The following ITCH variants were observed in gnomAD, a reference collection of about 807,000 sequenced individuals.
ITCH encodes the protein itchy E3 ubiquitin protein ligase, also known as E3 ubiquitin-protein ligase Itchy homolog.
A neutral mutation model predicts 126.8 loss-of-function variants in ITCH; 28 were observed. The ratio of observed to expected loss-of-function variants is 0.22; its 90% CI spans 0.16 to 0.30. The LOEUF is 0.30. ITCH is among the 10% of genes least tolerant of loss of function. The pLI, the probability that ITCH is intolerant of heterozygous loss-of-function variation, is 1.00. For synonymous variants in ITCH, 342 were observed against 340.0 expected (o/e 1.01, Z -0.06); for missense variants, 631 against 1,032.4 (o/e 0.61, Z 5.33).
At chr20:34,382,944 A>G (rs1011558059) in intron 2 of ITCH, among the ~76,000 whole-genome samples, 5 of 151,492 alleles carry the variant, frequency 3.3e-5, no homozygotes, top group African/African-American at 1.2e-4. Context: ...GAGTTTCACC[A>G]TGTTGGTCAG....
intron 17 of ITCH, among the ~76,000 whole-genome samples, chr20:34,478,383 C>T (rs1305052494): frequency 6.6e-6 from 1 of 152,154 alleles, no homozygotes; most frequent in Non-Finnish European, 1.5e-5. Flanking sequence ...AGTTGAAAGT[C>T]TTAATTCTGC....
chr20:34,366,637 C>T (rs1307122077), intron 1 of ITCH, among the ~76,000 whole-genome samples: 3 of 151,544 alleles, frequency 2.0e-5, no homozygotes, highest in African/African-American at 7.3e-5. Context: ...GAGGCTGAGG[C>T]GGGTGAATCG....
chr20:34,445,201 AAGT>A, intron 10 of ITCH, 83 bp from the exon 11 acceptor site: 1 of 1,411,688 alleles, frequency 7.1e-7, no homozygotes, highest in East Asian at 2.3e-5. Context: ...GATAAATCAA[AAGT>A]AGTTTCTCAA....
intron 16 of ITCH, chr20:34,476,531 A>G (rs1262220267): frequency 4.8e-6 from 5 of 1,034,568 alleles, no homozygotes; most frequent in Non-Finnish European, 6.1e-6. Flanking sequence ...ACCTTGTGAC[A>G]TTTCTCATTT....
intron 24 of ITCH, among the ~76,000 whole-genome samples, chr20:34,505,355 T>A (rs2146572723): frequency 6.6e-6 from 1 of 152,074 alleles, no homozygotes; most frequent in African/African-American, 2.4e-5. Flanking sequence ...GTTCAGTGAT[T>A]TTAGCATATT....
chr20:34,509,430 A>T lies in ITCH; in HGVS notation c.*1636A>T, dbSNP rs1379668915. On this transcript the variant is annotated 3_prime_UTR_variant, in exon 25 of 25. Coordinates refer to ENST00000374864, the MANE Select transcript of ITCH (RefSeq NM_031483.7). Reference sequence around the variant, plus strand: ...CCCTGTTCCATATGGAAAAAAGAAAAACAATTTTTTGTCCCTAATGTTCTT... The same window carrying T: ...CCCTGTTCCATATGGAAAAAAGAAATACAATTTTTTGTCCCTAATGTTCTT... The T allele has an allele frequency of 6.6e-6, 1 of 152,600 alleles. No homozygotes were observed. Among genetic ancestry groups the T allele is most frequent in the Non-Finnish European group, 1.5e-5 (1 of 68,040 alleles). 9.5% of individuals were successfully genotyped at this position (152,600 alleles called of 1,614,324 possible).
chr20:34,462,240 G>A lies in ITCH; in HGVS notation c.1424+19G>A. The A allele has an allele frequency of 6.2e-7, 1 of 1,611,382 alleles. No homozygotes were observed. On this transcript the variant is annotated intron_variant, in intron 14 of 24. Coordinates refer to ENST00000374864, the MANE Select transcript of ITCH (RefSeq NM_031483.7). ...CTGCCCTGTAAGTTTTCTAAACATT[G>A]TAGATTAAGAGTAAAATACTAGTCC...
intron 12 of ITCH, among the ~76,000 whole-genome samples, chr20:34,456,656 ATATG>A (rs1568962822): frequency 7.0e-6 from 1 of 143,414 alleles, no homozygotes; most frequent in African/African-American, 2.5e-5. Flanking sequence ...ATATATATAT[ATATG>A]TGTGTGTGTG....
At chr20:34,497,005 C>T (rs893982709) in intron 23 of ITCH, among the ~76,000 whole-genome samples, 40 of 150,082 alleles carry the variant, frequency 2.7e-4, no homozygotes, top group African/African-American at 8.8e-4. Context: ...AATGATTGTT[C>T]TTTTTTTTTG....
intron 8 of ITCH, among the ~76,000 whole-genome samples, chr20:34,439,880 T>TA (rs1384192479): frequency 2.6e-5 from 4 of 152,222 alleles, no homozygotes; most frequent in African/African-American, 9.6e-5. Context: ...CTAAAAGTTT[T>TA]TATTTCCAGT....
intron 1 of ITCH, among the ~76,000 whole-genome samples, chr20:34,366,507 AAGCTACTG>A (rs1371406203): frequency 6.6e-6 from 1 of 152,088 alleles, no homozygotes; most frequent in Non-Finnish European, 1.5e-5. Context: ...TTACAGGTGT[AAGCTACTG>A]TGCTCTGGCT....
At chr20:34,400,726 A>G (rs1176754801) in intron 3 of ITCH, among the ~76,000 whole-genome samples, 1 of 144,826 alleles carries the variant, frequency 6.9e-6, no homozygotes. Flanking sequence ...GTTGACTGCA[A>G]TCTCTGCCTA....
In ITCH at chr20:34,507,797, T is replaced by A; in HGVS notation, c.*3T>A. 6.2e-7 allele frequency: 1 copy of A among 1,607,926 alleles called. No individual in the cohort carries two copies. Among genetic ancestry groups the A allele is most frequent in the Non-Finnish European group, 8.5e-7 (1 of 1,174,488 alleles). On this transcript the variant is annotated 3_prime_UTR_variant, in exon 25 of 25. Coordinates refer to ENST00000374864, the MANE Select transcript of ITCH (RefSeq NM_031483.7). The stretch of plus-strand genomic sequence containing the variant: ...CAGAAGGATTTGGACAAGAGTAACT[T>A]CTGAGAACTTGCACCATGAATGGGC...
At position 34,367,490 on chromosome 20, in the gene ITCH, TTATC is replaced by T. The variant is rs138596126; in HGVS notation, c.-98-1901_-98-1898del. ...TTAGAGTTGGGAGAAGTTACAGAGA[TTATC>T]TAGTCCATAATGGCAAATATATTTT... is the stretch of plus-strand genomic sequence containing the variant. On this transcript the variant is annotated intron_variant, in intron 1 of 24. Coordinates refer to ENST00000374864, the MANE Select transcript of ITCH (RefSeq NM_031483.7). Among the ~76,000 whole-genome samples, 1,374 of 152,314 alleles carry T rather than the reference TTATC, an allele frequency of 9.0e-3. 8 individuals are homozygous for T. The highest frequency in any genetic ancestry group is 0.037 in the Middle Eastern group (11 of 294).
In ITCH at chr20:34,437,214, A is replaced by G. The variant is rs1046929310; in HGVS notation, c.522-1260A>G. Among the ~76,000 whole-genome samples, 22 of 152,190 alleles carry G rather than the reference A, an allele frequency of 1.4e-4. 1 individual carries two copies. The highest frequency in any genetic ancestry group is 1.4e-3 in the Admixed American group (21 of 15,274). ...TGTAGTACTTTTTTTCACTATGTAT[A>G]TCAAAACATCATGTTATACTGTTTT... On this transcript the variant is annotated intron_variant, in intron 7 of 24. Coordinates refer to ENST00000374864, the MANE Select transcript of ITCH (RefSeq NM_031483.7).
rs185982941 is a variant in ITCH, at chr20:34,476,771, A to G, written c.1570-1001A>G. The G allele has an allele frequency of 9.0e-4, 159 of 176,522 alleles. 1 individual carries two copies. The highest frequency in any genetic ancestry group is 1.9e-3 in the Admixed American group (30 of 16,062). 10.9% of individuals were successfully genotyped at this position (176,522 alleles called of 1,614,324 possible). ...TGGTAATTCATTCTTATCACTCAATAAAGTATAGGCATTATATCAACTTCT... is the reference window on the plus strand; with the variant it reads ...TGGTAATTCATTCTTATCACTCAATGAAGTATAGGCATTATATCAACTTCT... On this transcript the variant is annotated intron_variant, in intron 16 of 24. Transcript: ENST00000374864.
At chr20:34,379,592 TC>T (rs2037973062) in intron 2 of ITCH, among the ~76,000 whole-genome samples, 1 of 150,560 alleles carries the variant, frequency 6.6e-6, no homozygotes, top group South Asian at 2.1e-4. Context: ...ACAATATTTG[TC>T]CTTTTTTTTT....
At chr20:34,411,405 C>T (rs758205270) in intron 4 of ITCH, among the ~76,000 whole-genome samples, 26 of 152,266 alleles carry the variant, frequency 1.7e-4, no homozygotes, top group African/African-American at 5.5e-4. Context: ...CCTCCCACCT[C>T]GGCCTCCCAA....
At chr20:34,404,461 C>A (rs1278033473) in intron 3 of ITCH, among the ~76,000 whole-genome samples, 1 of 149,124 alleles carries the variant, frequency 6.7e-6, no homozygotes, top group East Asian at 2.0e-4. Context: ...CCCTTGTCAC[C>A]CAGGCTGGAG....
Sources: allele counts gnomAD v4.1 joint callset (sites outside exome capture counted in the v4.1 genomes callset), GRCh38; gene constraint gnomAD v4.1.1; transcripts MANE v1.5; gene names NCBI Gene and HGNC (gene_info 2026-07-23, HGNC 2026-07-21).